VIPR2: variants seen among roughly 807,000 people sequenced by gnomAD.
The protein encoded by VIPR2 is vasoactive intestinal polypeptide receptor 2.
Under a neutral mutation model 58.0 loss-of-function variants are expected in VIPR2, and 48 were observed. The observed-to-expected ratio is 0.83, with a 90% CI of 0.66 to 1.05. The LOEUF (loss-of-function observed/expected upper bound fraction) is 1.05, where lower values mean the gene tolerates loss of function less well. Among genes scored for constraint, VIPR2 ranks in the 50% least tolerant of loss-of-function variants. VIPR2 has a pLI of 0.00. For missense variants in VIPR2, 534 were observed against 558.0 expected (o/e 0.96, Z 0.43); for synonymous variants, 243 against 235.2 (o/e 1.03, Z -0.30).
At chr7:159,144,553 C>T in intron 1 of VIPR2, 168 bp downstream of exon 1, 1 of 1,477,246 alleles carries the variant, frequency 6.8e-7, no homozygotes, top group Non-Finnish European at 9.1e-7. Context: ...GCGCTTCACG[C>T]TCTCCGGGAG....
intron 2 of VIPR2, among the ~76,000 whole-genome samples, chr7:159,134,144 A>G (rs140637824): frequency 2.0e-5 from 3 of 152,240 alleles, no homozygotes; most frequent in African/African-American, 7.2e-5. Context: ...GTTTAAGCTC[A>G]AGTATTTTTG....
intron 2 of VIPR2, among the ~76,000 whole-genome samples, chr7:159,135,004 G>GTTTTTTGTTTTTTTTTTT (rs1416758329): frequency 3.0e-5 from 2 of 65,992 alleles, no homozygotes; most frequent in Admixed American, 3.3e-4. Flanking sequence ...AATTACAAAA[G>GTTTTTTGTTTTTTTTTTT]TTTTTTTTTT....
intron 4 of VIPR2, among the ~76,000 whole-genome samples, chr7:159,094,693 G>A (rs905856561): frequency 1.3e-5 from 2 of 152,254 alleles, no homozygotes; most frequent in Admixed American, 6.5e-5. Flanking sequence ...ACACGGCTGT[G>A]AGGCAGACAG....
At chr7:159,122,495 A>G (rs1327204955) in intron 2 of VIPR2, among the ~76,000 whole-genome samples, 1 of 152,202 alleles carries the variant, frequency 6.6e-6, no homozygotes, top group Non-Finnish European at 1.5e-5. Context: ...GGATAAAAAC[A>G]GGCCTGGCAA....
At chr7:159,133,464 GA>G (rs1338525345) in intron 2 of VIPR2, among the ~76,000 whole-genome samples, 4 of 152,270 alleles carry the variant, frequency 2.6e-5, no homozygotes, top group African/African-American at 9.6e-5. Context: ...GAACACTGTA[GA>G]AAAAAACTGG....
In VIPR2 at chr7:159,101,966, T is replaced by C. The variant is rs60779496; in HGVS notation, c.357+1791A>G. Among the ~76,000 whole-genome samples, 108 of 105,336 alleles carry C rather than the reference T, an allele frequency of 1.0e-3. No homozygotes were observed. The Middle Eastern group carries it at 0.025, about 24-fold the overall frequency. 69.1% of individuals were successfully genotyped at this position (105,336 alleles called of 152,430 possible). ...ATGAGTCTCACGAGATCCGACGAGGTGGTTCCGACTGTTCCTGTGGTAGTG... is the reference window on the plus strand; with the variant it reads ...ATGAGTCTCACGAGATCCGACGAGGCGGTTCCGACTGTTCCTGTGGTAGTG... On this transcript the variant is annotated intron_variant, in intron 4 of 12. Coordinates refer to ENST00000262178, the MANE Select transcript of VIPR2 (RefSeq NM_003382.5).
intron 2 of VIPR2, among the ~76,000 whole-genome samples, chr7:159,130,697 T>C (rs1245782187): frequency 1.3e-5 from 2 of 152,242 alleles, no homozygotes; most frequent in African/African-American, 2.4e-5. Flanking sequence ...GTCTCCCACA[T>C]GGCGTGGCCG....
chr7:159,142,411 C>A (rs1434446846), intron 2 of VIPR2, 35 bp downstream of exon 2: 2 of 1,523,094 alleles, frequency 1.3e-6, no homozygotes, highest in South Asian at 2.3e-5. Flanking sequence ...GTGAGAATGT[C>A]ACGGGAGTTC....
rs777064407 is a variant in VIPR2 at position 159,034,284 on chromosome 7, A to G, written c.900T>C (p.Ile300=). 2 of 1,613,990 alleles carry G rather than the reference A, an allele frequency of 1.2e-6. No homozygotes were observed. The highest frequency in any genetic ancestry group is 1.7e-6 in the Non-Finnish European group (2 of 1,179,950). The part of the protein sequence containing the change: ...ISIIVNFVLF[I]SIIRILLQKL... Reference sequence around the variant, plus strand: ...TCTGCAGCAAAATTCGTATAATACTAATGAAAAGGACAAAATTGACCTGCA... The same window carrying G: ...TCTGCAGCAAAATTCGTATAATACTGATGAAAAGGACAAAATTGACCTGCA... The change falls in exon 10 of 13, where the codon ATT becomes ATC. Residue 300 remains isoleucine, a synonymous_variant. Transcript: ENST00000262178.
intron 2 of VIPR2, among the ~76,000 whole-genome samples, chr7:159,111,634 C>T (rs566345004): frequency 1.5e-4 from 23 of 151,488 alleles, no homozygotes; most frequent in African/African-American, 4.4e-4. Flanking sequence ...GAGCCGAGAT[C>T]GCATCACTGC....
At chr7:159,139,936 A>G (rs1054891931) in intron 2 of VIPR2, among the ~76,000 whole-genome samples, 10 of 152,242 alleles carry the variant, frequency 6.6e-5, no homozygotes, top group Non-Finnish European at 1.3e-4. Flanking sequence ...CCTCATACAC[A>G]TATCGGCAAG....
intron 4 of VIPR2, among the ~76,000 whole-genome samples, chr7:159,070,338 C>CTT (rs1187063644): frequency 6.8e-6 from 1 of 147,302 alleles, no homozygotes; most frequent in African/African-American, 2.5e-5. Context: ...GTTCTCAGCT[C>CTT]TTTTTTTTTT....
intron 6 of VIPR2, among the ~76,000 whole-genome samples, chr7:159,042,219 G>T (rs565470094): frequency 6.1e-4 from 93 of 152,306 alleles, no homozygotes; most frequent in Non-Finnish European, 1.2e-3. Context: ...CGGGAGGAGA[G>T]TCTGGAGCTC....
chr7:159,110,035 C>T (rs1481815048), intron 2 of VIPR2, 116 bp from the exon 3 acceptor site: 2 of 898,252 alleles, frequency 2.2e-6, no homozygotes, highest in Non-Finnish European at 1.7e-6. Context: ...CACACTTGCA[C>T]CAACACAATT....
intron 6 of VIPR2, among the ~76,000 whole-genome samples, chr7:159,042,034 C>T (rs1455921523): frequency 1.3e-5 from 2 of 152,178 alleles, no homozygotes; most frequent in African/African-American, 4.8e-5. Flanking sequence ...GATTCACAGG[C>T]ATCACGCGCC....
chr7:159,141,516 T>C (rs1466790916), intron 2 of VIPR2, among the ~76,000 whole-genome samples: 3 of 152,238 alleles, frequency 2.0e-5, no homozygotes, highest in Non-Finnish European at 2.9e-5. Context: ...AACTGTGTCG[T>C]GCTGTAAGCA....
intron 4 of VIPR2, among the ~76,000 whole-genome samples, chr7:159,084,379 G>T (rs967416028): frequency 6.6e-6 from 1 of 152,236 alleles, no homozygotes; most frequent in East Asian, 1.9e-4. Context: ...GGGCAGTGCC[G>T]CCAGGTGAGA....
chr7:159,053,465 T>G (rs1024597996), intron 5 of VIPR2, among the ~76,000 whole-genome samples: 6 of 152,224 alleles, frequency 3.9e-5, no homozygotes, highest in African/African-American at 1.4e-4. Context: ...TGATTCATAA[T>G]TAGAACGATG....
At chr7:159,086,585 G>A (rs1857186145) in intron 4 of VIPR2, among the ~76,000 whole-genome samples, 1 of 152,248 alleles carries the variant, frequency 6.6e-6, no homozygotes, top group Non-Finnish European at 1.5e-5. Flanking sequence ...CAACCCGGGG[G>A]ATGTCAAATG....
Sources: allele counts gnomAD v4.1 joint callset (sites outside exome capture counted in the v4.1 genomes callset), GRCh38; gene constraint gnomAD v4.1.1; transcripts MANE v1.5; gene names NCBI Gene and HGNC (gene_info 2026-07-23, HGNC 2026-07-21).